Variants in CASKIN2 observed in about 807,000 individuals in gnomAD.
CASKIN2 encodes the protein CASK interacting protein 2, also known as caskin-2.
A neutral mutation model predicts 107.1 loss-of-function variants in CASKIN2; 41 were observed. That is an observed-to-expected ratio of 0.38 (90% CI 0.30 to 0.50). The LOEUF (loss-of-function observed/expected upper bound fraction) is 0.50. Ranked by LOEUF, CASKIN2 falls within the 20% of genes least tolerant of loss-of-function variation. CASKIN2 has a pLI of 0.92. For missense variants in CASKIN2, 1,546 were observed against 1,657.4 expected (o/e 0.93, Z 1.17); for synonymous variants, 724 against 705.6 (o/e 1.03, Z -0.41).
intron 2 of CASKIN2, among the ~76,000 whole-genome samples, chr17:75,511,937 C>T (rs2146998394): frequency 6.6e-6 from 1 of 152,328 alleles, no homozygotes; most frequent in East Asian, 1.9e-4. Flanking sequence ...TTGCCAAAAA[C>T]AACACAGAGG....
intron 2 of CASKIN2, among the ~76,000 whole-genome samples, chr17:75,510,943 T>C (rs1174626627): frequency 2.0e-5 from 3 of 151,866 alleles, no homozygotes; most frequent in Non-Finnish European, 4.4e-5. Flanking sequence ...CATGGTGGCA[T>C]TGCCTGTAGT....
At position 75,503,925 on chromosome 17, in the gene CASKIN2, T is replaced by A. The variant is rs1245178531; in HGVS notation, c.1505A>T (p.Gln502Leu). 6.2e-7 allele frequency: 1 copy of A among 1,612,730 alleles called. No homozygotes were observed. The highest frequency in any genetic ancestry group is 1.7e-5 in the Admixed American group (1 of 60,000). The part of the protein sequence containing the change: ...QAIHNWLSEF[Q>L]LEGYTAHFLQ... The stretch of plus-strand genomic sequence containing the variant: ...AAAGTGGGCAGTGTAGCCCTCCAGC[T>A]GGAACTCGCTTAGCCAGTTATGAAT... The change falls in exon 15 of 20, where the codon CAG (glutamine) becomes CTG (leucine). Residue 502 changes from glutamine to leucine, a missense_variant. Physicochemically the swap from Gln to Leu is moderately radical, Grantham distance 113. This residue lies in a region of CASKIN2 where 1,311 missense variants were observed against 1,311.0 expected (regional missense o/e 1.00). Coordinates refer to ENST00000321617, the MANE Select transcript of CASKIN2 (RefSeq NM_020753.5).
chr17:75,502,738 G>A lies in CASKIN2; in HGVS notation c.2336C>T (p.Ser779Phe). 2 of 1,586,590 alleles carry A rather than the reference G, an allele frequency of 1.3e-6. No homozygotes were observed. Among genetic ancestry groups the A allele is most frequent in the East Asian group, 2.3e-5 (1 of 43,602 alleles). Residue 779 changes from serine (S) to phenylalanine (F), a missense_variant, in exon 18 of 20, where the codon TCC becomes TTC. Ser to Phe is a radical substitution (Grantham distance 155). This residue lies in a region of CASKIN2 where 1,311 missense variants were observed against 1,311.0 expected (regional missense o/e 1.00). Transcript: ENST00000321617. The surrounding 1 kb of genome is among the most constrained non-coding windows in gnomAD (Gnocchi z 4.3). ...AGTGGCAGGGGGCCCGGCCAAGTAG[G>A]AGAAGGCCCAGGGTGCGCCAGGAGG... ...GPPPGAPWAF[S>F]YLAGPPATPP... is the part of the protein sequence containing the mutation.
rs752974303 is a variant in CASKIN2 at position 75,503,931 on chromosome 17, T to G, written c.1499A>C (p.Glu500Ala). Residue 500 changes from glutamate (E) to alanine (A), a missense_variant, in exon 15 of 20, where the codon GAG becomes GCG. Around this residue, in one of 6 missense-constraint regions of CASKIN2, gnomAD observed 1,311 missense variants for 1,311.0 expected, o/e 1.00. Coordinates refer to ENST00000321617, the MANE Select transcript of CASKIN2 (RefSeq NM_020753.5). ...GGCAGTGTAGCCCTCCAGCTGGAAC[T>G]CGCTTAGCCAGTTATGAATGGCCTG... ...DAQAIHNWLS[E>A]FQLEGYTAHF... 4.3e-6 allele frequency: 7 copies of G among 1,612,650 alleles called. No individual in the cohort carries two copies. The highest frequency in any genetic ancestry group is 5.9e-6 in the Non-Finnish European group (7 of 1,179,898).
rs1046382386 is a variant in CASKIN2, at chr17:75,506,210, C to T, written c.726+95G>A. The T allele has an allele frequency of 4.1e-5, 46 of 1,113,454 alleles. No individual in the cohort carries two copies. Among genetic ancestry groups the T allele is most frequent in the Non-Finnish European group, 4.9e-5 (38 of 768,478 alleles). The allele number at this position is 1,113,454 out of a possible 1,614,324, so 69.0% of individuals were successfully genotyped here. ...TTTCCTGACGCCCATGCAAAAACCA[C>T]GCTGGAGTCCTCCGTCCCGTACCTC... On this transcript the variant is annotated intron_variant, in intron 8 of 19. Coordinates refer to ENST00000321617, the MANE Select transcript of CASKIN2 (RefSeq NM_020753.5). The surrounding 1 kb of genome is among the most constrained non-coding windows in gnomAD (Gnocchi z 4.8).
At position 75,507,064 on chromosome 17, in the gene CASKIN2, C is replaced by A; in HGVS notation, c.310G>T (p.Ala104Ser). ...GAGGCGGCATTGACAGCCGCAGAGG[C>A]GCGCAGCAGCAGCCTCACAGGCTCC... ...RLEPVRLLLR[A>S]SAAVNAASLD... The change falls in exon 5 of 20, where the codon GCC (alanine) becomes TCC (serine). Residue 104 changes from alanine to serine, a missense_variant. Physicochemically the swap from Ala to Ser is moderately conservative, Grantham distance 99. This residue lies in a region of CASKIN2 where 136 missense variants were observed against 198.6 expected (regional missense o/e 0.68). Transcript: ENST00000321617. 1 of 1,612,102 alleles carries A rather than the reference C, an allele frequency of 6.2e-7. No individual in the cohort carries two copies. The highest frequency in any genetic ancestry group is 8.5e-7 in the Non-Finnish European group (1 of 1,179,716).
At chr17:75,507,353 A>T (rs1435573553) in intron 4 of CASKIN2, among the ~76,000 whole-genome samples, 2 of 152,156 alleles carry the variant, frequency 1.3e-5, no homozygotes, top group South Asian at 2.1e-4. Flanking sequence ...GACAGCAACA[A>T]CACCTCGCTG....
intron 4 of CASKIN2, 95 bp downstream of exon 4, chr17:75,507,489 T>C: frequency 6.7e-6 from 6 of 894,062 alleles, no homozygotes; most frequent in Non-Finnish European, 9.0e-6. Context: ...TCTATTAGCA[T>C]TGCTACGTTG....
In CASKIN2 at chr17:75,503,135, C is replaced by A. The variant is rs2053222359; in HGVS notation, c.1939G>T (p.Ala647Ser). The A allele has an allele frequency of 6.2e-7, 1 of 1,605,900 alleles. No homozygotes were observed. Among genetic ancestry groups the A allele is most frequent in the Non-Finnish European group, 8.5e-7 (1 of 1,177,902 alleles). ...RRLAKGPELM[A>S]IEGLENGEGP... ...TCTCCGTTCTCCAGTCCCTCGATGG[C>A]CATCAGCTCCGGACCCTTGGCCAGC... The change falls in exon 18 of 20, where the codon GCC (alanine) becomes TCC (serine). Residue 647 changes from alanine (A) to serine (S), a missense_variant. By Grantham distance (99) the Ala-to-Ser change is moderately conservative. Around this residue, in one of 6 missense-constraint regions of CASKIN2, gnomAD observed 1,311 missense variants for 1,311.0 expected, o/e 1.00. Coordinates refer to ENST00000321617, the MANE Select transcript of CASKIN2 (RefSeq NM_020753.5).
In CASKIN2 at chr17:75,514,156, C is replaced by T; in HGVS notation, c.-352G>A. On this transcript the variant is annotated 5_prime_UTR_variant, in exon 2 of 20. Transcript: ENST00000321617. ...GGAACACCAGTGCCCACCCAGAGAGCAGCCAGCATTCCCTTGGGCCTCAGG... is the reference window on the plus strand; with the variant it reads ...GGAACACCAGTGCCCACCCAGAGAGTAGCCAGCATTCCCTTGGGCCTCAGG... The T allele has an allele frequency of 5.7e-6, 3 of 523,924 alleles. No homozygotes were observed. The highest frequency in any genetic ancestry group is 1.0e-5 in the Non-Finnish European group (3 of 296,714). 32.5% of individuals were successfully genotyped at this position (523,924 alleles called of 1,614,324 possible). A position where few individuals can be genotyped will look rare whatever the true frequency, so the allele number is the denominator to read the frequency against.
Position 75,508,297 on chromosome 17 carries a change from G to T in CASKIN2, c.95-12C>A, listed in dbSNP as rs757459932. ...GGAGCCCAGGAGCTCTAGGGGTCAGGATAGGAGGTGTCAGGGCCATCAGAT... is the reference window on the plus strand; with the variant it reads ...GGAGCCCAGGAGCTCTAGGGGTCAGTATAGGAGGTGTCAGGGCCATCAGAT... On this transcript the variant is annotated splice_polypyrimidine_tract_variant and intron_variant, in intron 2 of 19. Transcript: ENST00000321617. 61 of 1,612,852 alleles carry T rather than the reference G, an allele frequency of 3.8e-5. No individual in the cohort carries two copies. In the Admixed American group the frequency reaches 1.0e-3, roughly 27 times the overall value.
intron 2 of CASKIN2, among the ~76,000 whole-genome samples, chr17:75,510,766 T>C (rs570775516): frequency 1.6e-5 from 2 of 125,396 alleles, no homozygotes; most frequent in South Asian, 3.1e-4. Context: ...CATTTCTTAA[T>C]TTTTTTGTAG....
rs1431362766 is a variant in CASKIN2, at chr17:75,502,778, G to A, written c.2296C>T (p.Pro766Ser). ...FMYPQGSPSS[P>S]APGPPPGAPW... ...GCGCCAGGAGGTGGCCCTGGGGCCGGGCTAGAGGGTGAGCCCTGGGGGTAC... is the reference window on the plus strand; with the variant it reads ...GCGCCAGGAGGTGGCCCTGGGGCCGAGCTAGAGGGTGAGCCCTGGGGGTAC... The change falls in exon 18 of 20, where the codon CCG (proline) becomes TCG (serine). Residue 766 changes from proline (P) to serine (S), a missense_variant. Coordinates refer to ENST00000321617, the MANE Select transcript of CASKIN2 (RefSeq NM_020753.5). The surrounding 1 kb of genome is among the most constrained non-coding windows in gnomAD (Gnocchi z 4.3). 6.2e-7 allele frequency: 1 copy of A among 1,602,066 alleles called. No homozygotes were observed. The highest frequency in any genetic ancestry group is 8.5e-7 in the Non-Finnish European group (1 of 1,174,506).
intron 1 of CASKIN2, 104 bp from the exon 2 acceptor site, chr17:75,514,312 C>G: frequency 2.5e-6 from 1 of 400,076 alleles, no homozygotes; most frequent in Non-Finnish European, 4.4e-6. Context: ...AGGGAGCCCC[C>G]AAGCCACCCT....
intron 13 of CASKIN2, 53 bp from the exon 14 acceptor site, chr17:75,504,359 C>T: frequency 2.5e-6 from 4 of 1,594,034 alleles, no homozygotes; most frequent in Non-Finnish European, 3.4e-6. Flanking sequence ...AAGGGGTGCC[C>T]ACCCTCGGCC....
Position 75,502,261 on chromosome 17 carries a change from C to A in CASKIN2, c.2813G>T (p.Gly938Val), listed in dbSNP as rs777900354. 5.8e-6 allele frequency: 9 copies of A among 1,539,968 alleles called. No homozygotes were observed. The highest frequency in any genetic ancestry group is 2.3e-5 in the East Asian group (1 of 43,766). ...DTEEEEPGPE[G>V]TPPSRGSSGE... ...AGAGCTGCCCCGAGATGGGGGCGTC[C>A]CCTCAGGGCCTGGCTCCTCCTCCTC... The change falls in exon 18 of 20, where the codon GGG (glycine) becomes GTG (valine). Residue 938 changes from glycine to valine, a missense_variant. Transcript: ENST00000321617. This position sits in a 1 kb window ranked among gnomAD's most constrained non-coding sequence, Gnocchi z 4.3.
In CASKIN2 at chr17:75,504,793, G is replaced by T. The variant is rs1388791888; in HGVS notation, c.1192+19C>A. 1.2e-6 allele frequency: 2 copies of T among 1,602,128 alleles called. 1 individual carries two copies. The highest frequency in any genetic ancestry group is 2.2e-5 in the South Asian group (2 of 89,054). ...ACACGCCCACACAGTGCCCAGCACT[G>T]CCCCCTGGGAGGATGTACCTGGGCT... On this transcript the variant is annotated intron_variant, in intron 11 of 19. Coordinates refer to ENST00000321617, the MANE Select transcript of CASKIN2 (RefSeq NM_020753.5).
chr17:75,506,299 A>G lies in CASKIN2; in HGVS notation c.726+6T>C, dbSNP rs1011290611. On this transcript the variant is annotated splice_donor_region_variant and intron_variant, in intron 8 of 19. Transcript: ENST00000321617. The surrounding 1 kb of genome is among the most constrained non-coding windows in gnomAD (Gnocchi z 4.8). The stretch of plus-strand genomic sequence containing the variant: ...CACCTGCGAGGGAGCAGGGGCCCAT[A>G]CCCACCTCCAGAAGCAGCCGCACCA... 6.2e-7 allele frequency: 1 copy of G among 1,605,750 alleles called. No homozygotes were observed.
Position 75,510,290 on chromosome 17 carries a change from G to A in CASKIN2, c.95-2005C>T, listed in dbSNP as rs2053305834. Among the ~76,000 whole-genome samples, 3 of 152,340 alleles carry A rather than the reference G, an allele frequency of 2.0e-5. No individual in the cohort carries two copies. In the South Asian group the frequency reaches 6.2e-4, roughly 32 times the overall value. On this transcript the variant is annotated intron_variant, in intron 2 of 19. Coordinates refer to ENST00000321617, the MANE Select transcript of CASKIN2 (RefSeq NM_020753.5). The stretch of plus-strand genomic sequence containing the variant: ...CCTGCTCCCTGAAGAGGACCCGGGT[G>A]GGGGCAGGGAATTGGCCTGATATCA...
Sources: gnomAD v4.1 joint callset for allele counts (sites outside exome capture counted in the v4.1 genomes callset) on GRCh38, gnomAD v4.1.1 for gene constraint, gnomAD v4.1.1 regional missense constraint, Gnocchi (gnomAD v3.1) non-coding constraint, MANE v1.5 for transcripts, NCBI Gene and HGNC (gene_info 2026-07-23, HGNC 2026-07-21) for gene names.